Variants in RALGPS2 observed in about 807,000 individuals in gnomAD.
RALGPS2 encodes the protein Ral GEF with PH domain and SH3 binding motif 2, also known as ras-specific guanine nucleotide-releasing factor RalGPS2.
A neutral mutation model predicts 86.8 loss-of-function variants in RALGPS2; 43 were observed. The observed-to-expected ratio is 0.50, with a 90% CI of 0.39 to 0.64. The LOEUF is 0.64. RALGPS2 is among the 30% of genes least tolerant of loss of function. The probability of loss-of-function intolerance (pLI) is 0.00; values close to 1 mark genes in which losing one functional copy is unlikely to be tolerated. For missense variants in RALGPS2, 536 were observed against 694.6 expected (o/e 0.77, Z 2.57); for synonymous variants, 243 against 231.3 (o/e 1.05, Z -0.46).
chr1:178,867,494 A>C (rs998506490), intron 8 of RALGPS2, among the ~76,000 whole-genome samples: 1 of 152,100 alleles, frequency 6.6e-6, no homozygotes, highest in African/African-American at 2.4e-5. Context: ...AATCCTTGAG[A>C]AGCTAAATCA....
In RALGPS2 at chr1:178,821,605, T is replaced by A. The variant is rs746919144; in HGVS notation, c.388-7T>A. The A allele has an allele frequency of 1.2e-6, 2 of 1,605,902 alleles. No individual in the cohort carries two copies. The highest frequency in any genetic ancestry group is 4.5e-5 in the East Asian group (2 of 44,760). On this transcript the variant is annotated splice_polypyrimidine_tract_variant and splice_region_variant and intron_variant, in intron 6 of 19. Transcript: ENST00000367635. ...TCCCTCTCCCCCATTTTTTTTCAAA[T>A]CTTCAGAAACTGTATGAGCTGAATA... is the stretch of plus-strand genomic sequence containing the variant.
At chr1:178,782,500 C>G (rs1210159443) in intron 2 of RALGPS2, among the ~76,000 whole-genome samples, 1 of 152,066 alleles carries the variant, frequency 6.6e-6, no homozygotes, top group Non-Finnish European at 1.5e-5. Context: ...GAGGAAAAAT[C>G]CTCAACTTGA....
At chr1:178,906,730 C>T (rs770674479) in intron 18 of RALGPS2, 46 bp from the exon 19 acceptor site, 15 of 1,465,828 alleles carry the variant, frequency 1.0e-5, no homozygotes, top group South Asian at 2.4e-5. Context: ...TATTATGTGT[C>T]GTCCTTACAT....
At chr1:178,791,168 T>G (rs1462251821) in intron 4 of RALGPS2, among the ~76,000 whole-genome samples, 1 of 152,180 alleles carries the variant, frequency 6.6e-6, no homozygotes, top group Non-Finnish European at 1.5e-5. Context: ...TTGCCCAGGC[T>G]GGATTGCAGT....
intron 3 of RALGPS2, among the ~76,000 whole-genome samples, chr1:178,784,869 TAAA>T (rs1393194334): frequency 6.6e-6 from 1 of 152,136 alleles, no homozygotes; most frequent in East Asian, 1.9e-4. Flanking sequence ...TTTTTTTAAT[TAAA>T]AAATTGAAAA....
At chr1:178,877,731 C>A in intron 9 of RALGPS2, 96 bp downstream of exon 9, 2 of 1,410,340 alleles carry the variant, frequency 1.4e-6, no homozygotes, top group Non-Finnish European at 1.9e-6. Flanking sequence ...CAGCAGGGGA[C>A]ATCAATTTCT....
intron 17 of RALGPS2, among the ~76,000 whole-genome samples, chr1:178,901,152 A>G (rs939093377): frequency 2.0e-5 from 3 of 152,046 alleles, no homozygotes; most frequent in African/African-American, 7.2e-5. Flanking sequence ...GAAGCATATC[A>G]TACATACAAA....
intron 1 of RALGPS2, among the ~76,000 whole-genome samples, chr1:178,745,166 C>T (rs1300857716): frequency 5.3e-5 from 8 of 152,106 alleles, no homozygotes; most frequent in Non-Finnish European, 2.9e-5. Context: ...TGAGAAGACT[C>T]GTTGCTAAGA....
rs543390956 is a variant in RALGPS2 at position 178,840,019 on chromosome 1, C to G, written c.607+6469C>G. Among the ~76,000 whole-genome samples the G allele has an allele frequency of 6.6e-5, 10 of 152,086 alleles. No individual in the cohort carries two copies. In the East Asian group the frequency reaches 1.5e-3, roughly 23 times the overall value. On this transcript the variant is annotated intron_variant, in intron 8 of 19. Coordinates refer to ENST00000367635, the MANE Select transcript of RALGPS2 (RefSeq NM_152663.5). ...CATAAAGCAAGTCCTTAGAGACCTA[C>G]AAAGAGACTTAGACTCCCACACAAT...
At chr1:178,860,225 A>G (rs191467724) in intron 8 of RALGPS2, among the ~76,000 whole-genome samples, 1 of 152,288 alleles carries the variant, frequency 6.6e-6, no homozygotes, top group Non-Finnish European at 1.5e-5. Flanking sequence ...CAGGCACCAA[A>G]TAACATTAAT....
intron 7 of RALGPS2, among the ~76,000 whole-genome samples, chr1:178,827,540 G>A (rs562505142): frequency 1.1e-4 from 17 of 150,446 alleles, no homozygotes; most frequent in Non-Finnish European, 1.6e-4. Flanking sequence ...GACTACAGGC[G>A]CCCGCCACTA....
chr1:178,880,067 T>C (rs578177283), intron 10 of RALGPS2, among the ~76,000 whole-genome samples: 5 of 152,196 alleles, frequency 3.3e-5, no homozygotes, highest in African/African-American at 4.8e-5. Flanking sequence ...TTATCCCATT[T>C]GTTCGCAAGC....
intron 1 of RALGPS2, among the ~76,000 whole-genome samples, chr1:178,744,672 C>T (rs774754701): frequency 3.3e-5 from 5 of 151,880 alleles, no homozygotes; most frequent in Admixed American, 2.0e-4. Context: ...AAAAAATTAG[C>T]GCGGCATGGT....
chr1:178,787,446 A>G (rs1653711037), intron 4 of RALGPS2, among the ~76,000 whole-genome samples: 1 of 152,206 alleles, frequency 6.6e-6, no homozygotes, highest in Admixed American at 6.5e-5. Flanking sequence ...AGTGTAAAAA[A>G]TTATTGAGAT....
intron 8 of RALGPS2, among the ~76,000 whole-genome samples, chr1:178,864,601 CAGCGACGACCTAGCT>C (rs1439542435): frequency 3.3e-5 from 5 of 152,102 alleles, no homozygotes; most frequent in Non-Finnish European, 7.4e-5. Flanking sequence ...TGTCGGGTAG[CAGCGACGACCTAGCT>C]AGAAGCTGAT....
chr1:178,810,222 T>A (rs1027934899), intron 5 of RALGPS2, among the ~76,000 whole-genome samples: 10 of 152,030 alleles, frequency 6.6e-5, no homozygotes, highest in East Asian at 3.9e-4. Flanking sequence ...TGTCTCAATT[T>A]AAAAAAATAC....
intron 1 of RALGPS2, among the ~76,000 whole-genome samples, chr1:178,776,336 G>A (rs1653081142): frequency 6.6e-6 from 1 of 152,076 alleles, no homozygotes; most frequent in Non-Finnish European, 1.5e-5. Flanking sequence ...ATTGTGTTGT[G>A]GTATGTGTTA....
At chr1:178,779,235 C>G (rs762347371) in intron 2 of RALGPS2, among the ~76,000 whole-genome samples, 3 of 152,176 alleles carry the variant, frequency 2.0e-5, no homozygotes, top group South Asian at 2.1e-4. Context: ...GCTCACCCCT[C>G]TAGTTAATAT....
chr1:178,894,535 G>A (rs988515513), intron 16 of RALGPS2, among the ~76,000 whole-genome samples: 1 of 152,020 alleles, frequency 6.6e-6, no homozygotes, highest in Non-Finnish European at 1.5e-5. Context: ...GTGTGGAGAC[G>A]CTGGACAAAG....
Sources: allele counts gnomAD v4.1 joint callset (sites outside exome capture counted in the v4.1 genomes callset), GRCh38; gene constraint gnomAD v4.1.1; transcripts MANE v1.5; gene names NCBI Gene and HGNC (gene_info 2026-07-23, HGNC 2026-07-21).